Variants in MACROD1 observed in about 807,000 individuals in gnomAD.
MACROD1 encodes mono-ADP ribosylhydrolase 1.
In MACROD1, 31 loss-of-function variants were observed where a neutral mutation model predicts 41.4. The ratio of observed to expected loss-of-function variants is 0.75; its 90% CI spans 0.56 to 1.01. The LOEUF is 1.01. Ranked by LOEUF, MACROD1 falls within the 50% of genes least tolerant of loss-of-function variation. The probability of loss-of-function intolerance (pLI) is 0.00; values close to 1 mark genes in which losing one functional copy is unlikely to be tolerated. For missense variants in MACROD1, 473 were observed against 460.0 expected, an observed-to-expected ratio of 1.03 and a Z score of -0.26; for synonymous variants, 252 against 203.4, an observed-to-expected ratio of 1.24 and a Z score of -2.03.
intron 3 of MACROD1, among the ~76,000 whole-genome samples, chr11:64,086,434 C>T (rs1240294598): frequency 6.6e-6 from 1 of 152,080 alleles, no homozygotes. Flanking sequence ...GCTTTCTACT[C>T]TCCAGTCCAA....
chr11:64,165,675 G>C, intron 1 of MACROD1, 22 bp downstream of exon 1: 2 of 1,387,004 alleles, frequency 1.4e-6, no homozygotes, highest in South Asian at 1.8e-5. Flanking sequence ...TCTCCCTCGC[G>C]CCCCCTCGTG....
rs1945115054 is a variant in MACROD1, at chr11:64,122,511, C to T, written c.517+28728G>A. ...CACAGGCACCGGGTCTCCTCCTTCC[C>T]CTGGGGATCTGGGAAACCCTCCCTC... is the stretch of plus-strand genomic sequence containing the variant. On this transcript the variant is annotated intron_variant, in intron 3 of 10. Transcript: ENST00000255681. The surrounding 1 kb of genome is among the most constrained non-coding windows in gnomAD (Gnocchi z 4.0). Among the ~76,000 whole-genome samples the T allele has an allele frequency of 1.3e-5, 2 of 152,230 alleles. No homozygotes were observed. The highest frequency in any genetic ancestry group is 4.1e-4 in the South Asian group (2 of 4,832).
At chr11:64,079,371 C>A (rs755691137) in intron 3 of MACROD1, among the ~76,000 whole-genome samples, 1 of 144,338 alleles carries the variant, frequency 6.9e-6, no homozygotes, top group African/African-American at 2.6e-5. Flanking sequence ...AGATTTGGAG[C>A]AAGGGATGAT....
intron 3 of MACROD1, among the ~76,000 whole-genome samples, chr11:64,121,732 A>T (rs1945101247): frequency 6.6e-6 from 1 of 152,202 alleles, no homozygotes; most frequent in Middle Eastern, 3.2e-3. Context: ...TGCACAGCTG[A>T]CATTTCCAAG....
chr11:64,035,315 G>A lies in MACROD1; in HGVS notation c.518-20034C>T, dbSNP rs112627983. 3.8e-3 allele frequency among the ~76,000 whole-genome samples: 585 copies of A among 152,304 alleles called. 3 individuals carry two copies. Among genetic ancestry groups the A allele is most frequent in the Non-Finnish European group, 6.4e-3 (433 of 68,032 alleles). On this transcript the variant is annotated intron_variant, in intron 3 of 10. Coordinates refer to ENST00000255681, the MANE Select transcript of MACROD1 (RefSeq NM_014067.4). The stretch of plus-strand genomic sequence containing the variant: ...GGGTCTGCCCAGGGAAGGGGCGCCA[G>A]GCAGGAAGGAAGGGGTTACTTTGGC...
chr11:64,075,862 C>T (rs949584192), intron 3 of MACROD1, among the ~76,000 whole-genome samples: 3 of 152,174 alleles, frequency 2.0e-5, no homozygotes, highest in African/African-American at 4.8e-5. Flanking sequence ...TTAGTAGAGA[C>T]GGGGTTTCAC....
In MACROD1 at chr11:63,999,022, G is replaced by C. The variant is rs1194784159; in HGVS notation, c.906C>G (p.Ile302Met). The change falls in exon 9 of 11, where the codon ATC becomes ATG. Residue 302 changes from isoleucine (I) to methionine (M), a missense_variant. Transcript: ENST00000255681. Reference sequence around the variant, plus strand: ...CGTCCTTCTCGAGGAACACGCAGATGATCAGCCGGTCCACCTGCGCCAGGG... The same window carrying C: ...CGTCCTTCTCGAGGAACACGCAGATCATCAGCCGGTCCACCTGCGCCAGGG... ...EQHKDKVDRL[I>M]ICVFLEKDED... The C allele has an allele frequency of 6.2e-7, 1 of 1,605,978 alleles. No individual in the cohort carries two copies. Among genetic ancestry groups the C allele is most frequent in the South Asian group, 1.1e-5 (1 of 89,922 alleles).
chr11:64,076,692 G>C (rs983555261), intron 3 of MACROD1, among the ~76,000 whole-genome samples: 1 of 152,204 alleles, frequency 6.6e-6, no homozygotes, highest in African/African-American at 2.4e-5. Context: ...TCAGAAAGAG[G>C]TTGGTCCTCC....
chr11:64,165,778 C>A lies in MACROD1; in HGVS notation c.217G>T (p.Ala73Ser). Residue 73 changes from alanine to serine, a missense_variant, in exon 1 of 11, where the codon GCC becomes TCC. By Grantham distance (99) the Ala-to-Ser change is moderately conservative. Coordinates refer to ENST00000255681, the MANE Select transcript of MACROD1 (RefSeq NM_014067.4). ...AWGAAAVGRT[A>S]GVRTWAPLAM... The stretch of plus-strand genomic sequence containing the variant: ...AGGGGGGCCCAAGTGCGCACCCCGG[C>A]TGTCCGCCCCACCGCCGCCGCCCCC... The A allele has an allele frequency of 6.7e-7, 1 of 1,494,858 alleles. No homozygotes were observed. The highest frequency in any genetic ancestry group is 8.9e-7 in the Non-Finnish European group (1 of 1,128,196). The allele number at this position is 1,494,858 out of a possible 1,614,324, so 92.6% of individuals were successfully genotyped here.
At chr11:64,128,770 G>A (rs1464356594) in intron 3 of MACROD1, among the ~76,000 whole-genome samples, 1 of 152,044 alleles carries the variant, frequency 6.6e-6, no homozygotes, top group Non-Finnish European at 1.5e-5. Flanking sequence ...CTGCACAGGT[G>A]ACCCCTTCCC....
At chr11:64,069,122 C>T (rs939094211) in intron 3 of MACROD1, among the ~76,000 whole-genome samples, 2 of 152,148 alleles carry the variant, frequency 1.3e-5, no homozygotes, top group African/African-American at 4.8e-5. Context: ...GTGAGGGTGA[C>T]GGTGTCCAGC....
At chr11:64,072,074 G>A (rs1345283995) in intron 3 of MACROD1, among the ~76,000 whole-genome samples, 1 of 152,262 alleles carries the variant, frequency 6.6e-6, no homozygotes, top group African/African-American at 2.4e-5. Flanking sequence ...AAGATGATGT[G>A]AGCCCGAATC....
intron 3 of MACROD1, among the ~76,000 whole-genome samples, chr11:64,038,310 G>C (rs1219605602): frequency 6.6e-6 from 1 of 152,208 alleles, no homozygotes; most frequent in African/African-American, 2.4e-5. Flanking sequence ...CTCTGGGACC[G>C]GCTTCCTTGC....
chr11:64,094,258 G>A (rs370033552), intron 3 of MACROD1, among the ~76,000 whole-genome samples: 4 of 152,078 alleles, frequency 2.6e-5, no homozygotes, highest in African/African-American at 4.8e-5. Flanking sequence ...GTAAAACCAC[G>A]TCTCTACTAA....
At chr11:64,000,140 C>T in intron 5 of MACROD1, 87 bp downstream of exon 5, 2 of 1,102,884 alleles carry the variant, frequency 1.8e-6, no homozygotes, top group Non-Finnish European at 1.3e-6. Context: ...TTCCCCAGCA[C>T]TCCTGTGGGG....
chr11:64,163,608 C>T (rs1020470497), intron 1 of MACROD1, among the ~76,000 whole-genome samples: 2 of 152,196 alleles, frequency 1.3e-5, no homozygotes, highest in Non-Finnish European at 2.9e-5. Flanking sequence ...ACCGAGGCCT[C>T]TCACCAAATG....
At chr11:64,094,192 G>A (rs1276206710) in intron 3 of MACROD1, among the ~76,000 whole-genome samples, 1 of 152,182 alleles carries the variant, frequency 6.6e-6, no homozygotes, top group African/African-American at 2.4e-5. Flanking sequence ...CAGAACTTTG[G>A]GAGGCCAAAG....
chr11:63,999,869 C>A (rs1208986370), intron 5 of MACROD1, 106 bp from the exon 6 acceptor site: 22 of 1,305,124 alleles, frequency 1.7e-5, no homozygotes, highest in East Asian at 4.9e-5. Context: ...ACCTTTCCCC[C>A]CAAGCGCTGA....
At chr11:64,047,559 G>A (rs562182768) in intron 3 of MACROD1, among the ~76,000 whole-genome samples, 6 of 152,244 alleles carry the variant, frequency 3.9e-5, no homozygotes, top group African/African-American at 1.4e-4. Context: ...TGGCCCAGAT[G>A]TACTTAGAGG....
Sources: gnomAD v4.1 joint callset for allele counts (sites outside exome capture counted in the v4.1 genomes callset) on GRCh38, gnomAD v4.1.1 for gene constraint, Gnocchi (gnomAD v3.1) non-coding constraint, MANE v1.5 for transcripts, NCBI Gene and HGNC (gene_info 2026-07-23, HGNC 2026-07-21) for gene names.